PTPRT: variants seen among roughly 807,000 people sequenced by gnomAD.
The protein encoded by PTPRT is protein tyrosine phosphatase receptor type T.
Under a neutral mutation model 176.8 loss-of-function variants are expected in PTPRT, and 56 were observed. The ratio of observed to expected loss-of-function variants is 0.32; its 90% CI spans 0.26 to 0.40. The LOEUF is 0.40. PTPRT is among the 10% of genes least tolerant of loss of function. The pLI is 1.00. For synonymous variants in PTPRT, 783 were observed against 739.0 expected (o/e 1.06, Z -0.96); for missense variants, 1,540 against 1,908.2 (o/e 0.81, Z 3.60).
At chr20:42,573,018 C>T (rs928007690) in intron 7 of PTPRT, among the ~76,000 whole-genome samples, 1 of 150,994 alleles carries the variant, frequency 6.6e-6, no homozygotes, top group Non-Finnish European at 1.5e-5. Context: ...AAGAGCAGGA[C>T]CCATGTCTGT....
chr20:42,948,806 A>G (rs1227768184), intron 1 of PTPRT, among the ~76,000 whole-genome samples: 1 of 152,072 alleles, frequency 6.6e-6, no homozygotes, highest in Non-Finnish European at 1.5e-5. Flanking sequence ...ATAACCAACA[A>G]CCCCAGCTAG....
chr20:43,034,457 T>C (rs1986290833), intron 1 of PTPRT, among the ~76,000 whole-genome samples: 1 of 150,864 alleles, frequency 6.6e-6, no homozygotes, highest in South Asian at 2.1e-4. Context: ...AAGTCAGGAC[T>C]CTCCAAACTC....
intron 7 of PTPRT, among the ~76,000 whole-genome samples, chr20:42,647,015 C>T (rs1219298967): frequency 6.6e-6 from 1 of 150,378 alleles, no homozygotes; most frequent in Non-Finnish European, 1.5e-5. Context: ...CCACTTCAGC[C>T]TCCTGAGTAG....
chr20:42,470,461 A>G (rs999064012), intron 8 of PTPRT, among the ~76,000 whole-genome samples: 9 of 152,070 alleles, frequency 5.9e-5, no homozygotes, highest in African/African-American at 1.7e-4. Flanking sequence ...CCCCTGGGAA[A>G]ACTTTCTTAA....
chr20:43,157,659 C>A (rs564117493), intron 1 of PTPRT, among the ~76,000 whole-genome samples: 1 of 152,240 alleles, frequency 6.6e-6, no homozygotes, highest in Non-Finnish European at 1.5e-5. Flanking sequence ...TTAGTGCTAC[C>A]TTTGTATCTC....
chr20:42,610,552 G>C (rs2073959343), intron 7 of PTPRT, among the ~76,000 whole-genome samples: 1 of 152,000 alleles, frequency 6.6e-6, no homozygotes, highest in Non-Finnish European at 1.5e-5. Context: ...GAAAACCTGA[G>C]AACTGAAGCC....
intron 20 of PTPRT, 56 bp downstream of exon 20, chr20:42,119,879 T>C: frequency 1.3e-6 from 2 of 1,506,682 alleles, no homozygotes. Context: ...AGAGAGCCCT[T>C]TCCCCTGGGA....
In PTPRT at chr20:42,080,724, C is replaced by CAG; in HGVS notation, c.*153_*154dup. 1.5e-6 allele frequency: 1 copy of CAG among 662,492 alleles called. No individual in the cohort carries two copies. The highest frequency in any genetic ancestry group is 2.6e-6 in the Non-Finnish European group (1 of 386,542). 41.0% of individuals were successfully genotyped at this position (662,492 alleles called of 1,614,324 possible). On this transcript the variant is annotated 3_prime_UTR_variant, in exon 31 of 31. Coordinates refer to ENST00000373187, the MANE Select transcript of PTPRT (RefSeq NM_007050.6). ...GCAACAGGAGACCCCTCAGAAGGTG[C>CAG]AGAGCCCCCCGTGGAACACAGGGCC...
chr20:43,155,007 T>C (rs777319317), intron 1 of PTPRT, among the ~76,000 whole-genome samples: 1 of 152,126 alleles, frequency 6.6e-6, no homozygotes, highest in African/African-American at 2.4e-5. Flanking sequence ...CGAGATATCA[T>C]CTCACTCCGT....
chr20:42,545,849 G>A (rs1751975231), intron 7 of PTPRT, among the ~76,000 whole-genome samples: 1 of 152,114 alleles, frequency 6.6e-6, no homozygotes, highest in Admixed American at 6.6e-5. Context: ...CAACAAGTTA[G>A]GAGAAATTAA....
chr20:42,184,501 TTCCTCC>T (rs754187865), intron 16 of PTPRT, among the ~76,000 whole-genome samples: 46 of 85,038 alleles, frequency 5.4e-4, no homozygotes, highest in African/African-American at 1.9e-3. Context: ...TCCTCCCCCC[TTCCTCC>T]TCCTCCTCCT....
intron 1 of PTPRT, among the ~76,000 whole-genome samples, chr20:43,177,827 T>C (rs1478145029): frequency 6.6e-6 from 1 of 152,242 alleles, no homozygotes; most frequent in Non-Finnish European, 1.5e-5. Context: ...AAATTCTGTT[T>C]TAAAATATGT....
Position 42,176,737 on chromosome 20 carries a change from A to G in PTPRT, c.2492-15195T>C, listed in dbSNP as rs192631940. Among the ~76,000 whole-genome samples, 305 of 152,314 alleles carry G rather than the reference A, an allele frequency of 2.0e-3. 2 individuals are homozygous for G. Among genetic ancestry groups the G allele is most frequent in the African/African-American group, 6.8e-3 (284 of 41,570 alleles). On this transcript the variant is annotated intron_variant, in intron 16 of 30. Transcript: ENST00000373187. Reference sequence around the variant, plus strand: ...TACTTAGCTAAACTAGAAAAACTCAATTTTGACAGGTTTTTACAATCTTCA... The same window carrying G: ...TACTTAGCTAAACTAGAAAAACTCAGTTTTGACAGGTTTTTACAATCTTCA...
At chr20:42,893,900 T>C (rs1028638426) in intron 1 of PTPRT, among the ~76,000 whole-genome samples, 1 of 151,822 alleles carries the variant, frequency 6.6e-6, no homozygotes, top group Non-Finnish European at 1.5e-5. Context: ...TTAGGAGATA[T>C]ACCTAATGCT....
At chr20:42,395,208 C>G (rs1245783154) in intron 9 of PTPRT, among the ~76,000 whole-genome samples, 1 of 152,174 alleles carries the variant, frequency 6.6e-6, no homozygotes, top group Admixed American at 6.5e-5. Context: ...CCTCCACGCT[C>G]TCCTCACTCT....
the PTPRT span, among the ~76,000 whole-genome samples, chr20:42,041,044 G>T: frequency 6.6e-6 from 1 of 152,164 alleles, no homozygotes; most frequent in Non-Finnish European, 1.5e-5. Context: ...TTCTGCGTGT[G>T]CTCACATAGG....
intron 1 of PTPRT, among the ~76,000 whole-genome samples, chr20:43,084,488 C>A (rs1263116750): frequency 2.0e-5 from 3 of 152,154 alleles, no homozygotes; most frequent in Non-Finnish European, 2.9e-5. Flanking sequence ...CATCAGATCT[C>A]ATGAGAACTC....
intron 23 of PTPRT, among the ~76,000 whole-genome samples, chr20:42,108,758 T>C (rs1475471165): frequency 6.6e-6 from 1 of 152,146 alleles, no homozygotes; most frequent in East Asian, 1.9e-4. Context: ...ATTAGAGTGC[T>C]TACTATATGT....
At chr20:42,518,905 CCT>C (rs1161907472) in intron 7 of PTPRT, among the ~76,000 whole-genome samples, 3 of 151,808 alleles carry the variant, frequency 2.0e-5, no homozygotes, top group Non-Finnish European at 4.4e-5. Context: ...ATTTATTTTC[CCT>C]GAAATTTTAT....
Sources: allele counts gnomAD v4.1 joint callset (sites outside exome capture counted in the v4.1 genomes callset), GRCh38; gene constraint gnomAD v4.1.1; transcripts MANE v1.5; gene names NCBI Gene and HGNC (gene_info 2026-07-23, HGNC 2026-07-21).